OLA1: variants seen among roughly 807,000 people sequenced by gnomAD.
The protein encoded by OLA1 is Obg like ATPase 1.
Under a neutral mutation model 48.4 loss-of-function variants are expected in OLA1, and 14 were observed. That is an observed-to-expected ratio of 0.29 (90% CI 0.19 to 0.45). The LOEUF (loss-of-function observed/expected upper bound fraction) is 0.45, where lower values mean the gene tolerates loss of function less well. Among genes scored for constraint, OLA1 ranks in the 20% least tolerant of loss-of-function variants. The probability of loss-of-function intolerance (pLI) is 1.00; values close to 1 mark genes in which losing one functional copy is unlikely to be tolerated. For synonymous variants in OLA1, 127 were observed against 150.4 expected, an observed-to-expected ratio of 0.84 and a Z score of 1.14; for missense variants, 325 against 467.1, an observed-to-expected ratio of 0.70 and a Z score of 2.80.
chr2:174,153,391 G>A (rs931496334), intron 4 of OLA1, among the ~76,000 whole-genome samples: 11 of 152,040 alleles, frequency 7.2e-5, no homozygotes, highest in African/African-American at 2.7e-4. Flanking sequence ...AGTAAGATGA[G>A]ATAAAGAGAA....
intron 2 of OLA1, among the ~76,000 whole-genome samples, chr2:174,244,486 G>A (rs1421490300): frequency 6.6e-6 from 1 of 152,100 alleles, no homozygotes; most frequent in Non-Finnish European, 1.5e-5. Flanking sequence ...AGCTGCAGGG[G>A]ATTGGTTCTA....
chr2:174,188,227 GGTT>G (rs1353681873), intron 4 of OLA1, among the ~76,000 whole-genome samples: 2 of 152,194 alleles, frequency 1.3e-5, no homozygotes, highest in African/African-American at 2.4e-5. Flanking sequence ...AAATCAGAGA[GGTT>G]GTTAAGACAC....
At position 174,141,017 on chromosome 2, in the gene OLA1, C is replaced by T. The variant is rs112270987; in HGVS notation, c.549+808G>A. ...CACGATCTTGGCTCACTGCAACCTC[C>T]GCCTCCCGGGTTCAAGCAATTCTCC... On this transcript the variant is annotated intron_variant, in intron 5 of 10. Coordinates refer to ENST00000284719, the MANE Select transcript of OLA1 (RefSeq NM_013341.5). Among the ~76,000 whole-genome samples the T allele has an allele frequency of 2.2e-3, 342 of 152,240 alleles. 1 individual carries two copies. The highest frequency in any genetic ancestry group is 7.8e-3 in the African/African-American group (324 of 41,536).
chr2:174,136,159 G>T (rs985597546), intron 5 of OLA1, among the ~76,000 whole-genome samples: 1 of 152,140 alleles, frequency 6.6e-6, no homozygotes, highest in African/African-American at 2.4e-5. Flanking sequence ...AGGTTGGGTG[G>T]CTGTGACAAT....
At chr2:174,094,962 T>C (rs577729699) in intron 7 of OLA1, among the ~76,000 whole-genome samples, 7 of 152,372 alleles carry the variant, frequency 4.6e-5, no homozygotes, top group Admixed American at 2.0e-4. Flanking sequence ...ATTCATGTTT[T>C]AGCATGTGAC....
At chr2:174,151,689 G>T (rs964181391) in intron 4 of OLA1, among the ~76,000 whole-genome samples, 9 of 152,114 alleles carry the variant, frequency 5.9e-5, no homozygotes, top group Non-Finnish European at 1.2e-4. Flanking sequence ...CTCCCTTATA[G>T]TTCTCTAGCT....
chr2:174,152,694 A>C (rs946446465), intron 4 of OLA1, among the ~76,000 whole-genome samples: 3 of 152,234 alleles, frequency 2.0e-5, no homozygotes, highest in Non-Finnish European at 4.4e-5. Context: ...TAATTGGTCT[A>C]GTAATGTAAA....
chr2:174,094,581 G>A (rs576854631), intron 7 of OLA1, among the ~76,000 whole-genome samples: 10 of 152,302 alleles, frequency 6.6e-5, no homozygotes, highest in South Asian at 4.1e-4. Flanking sequence ...GAGACTAGAC[G>A]TAAAGATCCG....
intron 7 of OLA1, among the ~76,000 whole-genome samples, chr2:174,100,801 C>A (rs1410679880): frequency 6.6e-6 from 1 of 152,142 alleles, no homozygotes. Flanking sequence ...AACATTTCCA[C>A]AGAAAGTTCC....
intron 7 of OLA1, among the ~76,000 whole-genome samples, chr2:174,088,000 A>C (rs1449091186): frequency 3.3e-5 from 5 of 152,228 alleles, no homozygotes; most frequent in African/African-American, 1.2e-4. Context: ...TTATATAGTT[A>C]CCTGTTTGAA....
intron 10 of OLA1, among the ~76,000 whole-genome samples, chr2:174,077,604 A>C (rs1021477299): frequency 1.3e-5 from 2 of 152,062 alleles, no homozygotes; most frequent in East Asian, 1.9e-4. Flanking sequence ...AGTTAGTGGT[A>C]AATAGTCTTA....
At chr2:174,091,106 A>G (rs1685102777) in intron 7 of OLA1, among the ~76,000 whole-genome samples, 2 of 152,238 alleles carry the variant, frequency 1.3e-5, no homozygotes, top group Admixed American at 1.3e-4. Context: ...GGGTGCTCAA[A>G]TATTTTCTAA....
chr2:174,120,768 A>G (rs1325891226), intron 7 of OLA1, among the ~76,000 whole-genome samples: 6 of 152,210 alleles, frequency 3.9e-5, no homozygotes, highest in Non-Finnish European at 8.8e-5. Flanking sequence ...AAAGTGTTCA[A>G]TACTTCTGAA....
At chr2:174,108,573 A>G (rs1230416754) in intron 7 of OLA1, among the ~76,000 whole-genome samples, 2 of 152,178 alleles carry the variant, frequency 1.3e-5, no homozygotes, top group Non-Finnish European at 2.9e-5. Context: ...ATTTCTGAAG[A>G]CCTGAATGTG....
At chr2:174,097,121 A>C (rs1685275254) in intron 7 of OLA1, among the ~76,000 whole-genome samples, 1 of 152,140 alleles carries the variant, frequency 6.6e-6, no homozygotes, top group Non-Finnish European at 1.5e-5. Flanking sequence ...GCACCACTAC[A>C]CTCCAGCCTG....
intron 7 of OLA1, among the ~76,000 whole-genome samples, chr2:174,088,844 C>G (rs1362384664): frequency 6.7e-6 from 1 of 148,750 alleles, no homozygotes; most frequent in Non-Finnish European, 1.5e-5. Flanking sequence ...CAATCATACT[C>G]CAGCCTGGAT....
At chr2:174,232,781 G>T (rs375567717) in intron 2 of OLA1, among the ~76,000 whole-genome samples, 14 of 152,242 alleles carry the variant, frequency 9.2e-5, no homozygotes, top group African/African-American at 3.4e-4. Flanking sequence ...TGGTATAGAC[G>T]CTACGGAAAA....
intron 7 of OLA1, among the ~76,000 whole-genome samples, chr2:174,095,114 G>T (rs1685217176): frequency 1.3e-5 from 2 of 152,110 alleles, no homozygotes; most frequent in African/African-American, 4.8e-5. Flanking sequence ...ATGAACATGG[G>T]TGTGCAAATA....
chr2:174,157,213 T>C (rs373418733), intron 4 of OLA1, among the ~76,000 whole-genome samples: 5 of 152,096 alleles, frequency 3.3e-5, no homozygotes, highest in African/African-American at 1.2e-4. Context: ...ACAAAGAGAA[T>C]GGTGCCAGGA....
Sources: gnomAD v4.1 joint callset for allele counts (sites outside exome capture counted in the v4.1 genomes callset) on GRCh38, gnomAD v4.1.1 for gene constraint, MANE v1.5 for transcripts, NCBI Gene and HGNC (gene_info 2026-07-23, HGNC 2026-07-21) for gene names.